Variants in CUL3 observed in about 807,000 individuals in gnomAD.
The protein encoded by CUL3 is cullin-3.
In CUL3, 19 loss-of-function variants were observed where a neutral mutation model predicts 89.1. The observed-to-expected ratio is 0.21, with a 90% CI of 0.15 to 0.31. CUL3 has a LOEUF of 0.31. CUL3 is among the 10% of genes least tolerant of loss of function. The pLI, the probability that CUL3 is intolerant of heterozygous loss-of-function variation, is 1.00. For missense variants in CUL3, 469 were observed against 942.3 expected (o/e 0.50, Z 6.58); for synonymous variants, 351 against 308.4 (o/e 1.14, Z -1.45).
chr2:224,484,348 C>T (rs140175749), intron 13 of CUL3, among the ~76,000 whole-genome samples: 5 of 152,222 alleles, frequency 3.3e-5, no homozygotes, highest in African/African-American at 9.6e-5. Flanking sequence ...ATTTGTACTT[C>T]TCATGACCAC....
At chr2:224,512,589 A>G (rs974156084) in intron 5 of CUL3, among the ~76,000 whole-genome samples, 1 of 152,160 alleles carries the variant, frequency 6.6e-6, no homozygotes, top group African/African-American at 2.4e-5. Context: ...GTTTAGCTTT[A>G]CTTTTAGCAA....
In CUL3 at chr2:224,485,693, T is replaced by TTAAA. The variant is rs1324702582; in HGVS notation, c.1843-3619_1843-3616dup. 6.6e-6 allele frequency among the ~76,000 whole-genome samples: 1 copy of TTAAA among 152,182 alleles called. No individual in the cohort carries two copies. Among genetic ancestry groups the TTAAA allele is most frequent in the Non-Finnish European group, 1.5e-5 (1 of 68,038 alleles). ...AGCTATGGGCCCAGCTTCAGCAGAA[T>TTAAA]TAAATGTTCTTGCCTGCTGGCTCTG... On this transcript the variant is annotated intron_variant, in intron 13 of 15. Coordinates refer to ENST00000264414, the MANE Select transcript of CUL3 (RefSeq NM_003590.5). The surrounding 1 kb of genome is among the most constrained non-coding windows in gnomAD (Gnocchi z 4.1).
At chr2:224,476,879 C>T (rs527787151) in intron 15 of CUL3, among the ~76,000 whole-genome samples, 1 of 152,228 alleles carries the variant, frequency 6.6e-6, no homozygotes, top group South Asian at 2.1e-4. Context: ...TCCTCTAATA[C>T]TACTCTCTCT....
intron 1 of CUL3, among the ~76,000 whole-genome samples, chr2:224,575,094 AATAAT>A (rs1695268891): frequency 6.6e-6 from 1 of 152,258 alleles, no homozygotes; most frequent in African/African-American, 2.4e-5. Flanking sequence ...ATGCAGATTA[AATAAT>A]ATAATTGAAA....
intron 1 of CUL3, among the ~76,000 whole-genome samples, chr2:224,579,768 C>T (rs1161486482): frequency 6.6e-6 from 1 of 152,154 alleles, no homozygotes; most frequent in Non-Finnish European, 1.5e-5. Flanking sequence ...TCTTAAGAGC[C>T]TGATTACATT....
chr2:224,500,626 T>TC, intron 10 of CUL3, 139 bp from the exon 11 acceptor site: 1 of 706,294 alleles, frequency 1.4e-6, no homozygotes, highest in Admixed American at 3.9e-5. Context: ...GATTTTCTTT[T>TC]CTTTTTTTTT....
chr2:224,541,295 T>C (rs937705288), intron 2 of CUL3, among the ~76,000 whole-genome samples: 1 of 151,926 alleles, frequency 6.6e-6, no homozygotes, highest in Non-Finnish European at 1.5e-5. Context: ...GAACAGACAC[T>C]TCACCAAAGA....
intron 1 of CUL3, among the ~76,000 whole-genome samples, chr2:224,584,121 T>G (rs1234753250): frequency 6.6e-6 from 1 of 152,110 alleles, no homozygotes; most frequent in Non-Finnish European, 1.5e-5. Flanking sequence ...AGGGTACGAC[T>G]CAACGTAATG....
At chr2:224,541,918 G>C (rs2106276425) in intron 2 of CUL3, among the ~76,000 whole-genome samples, 1 of 152,198 alleles carries the variant, frequency 6.6e-6, no homozygotes, top group African/African-American at 2.4e-5. Flanking sequence ...ACTATAAAGG[G>C]ATAACAGAGG....
chr2:224,575,622 C>A (rs1485673786), intron 1 of CUL3, among the ~76,000 whole-genome samples: 1 of 152,100 alleles, frequency 6.6e-6, no homozygotes, highest in Admixed American at 6.5e-5. Flanking sequence ...TTATTATGTG[C>A]CAAGCACTAT....
intron 2 of CUL3, among the ~76,000 whole-genome samples, chr2:224,548,354 C>T (rs1234478711): frequency 6.6e-6 from 1 of 152,212 alleles, no homozygotes; most frequent in Non-Finnish European, 1.5e-5. Flanking sequence ...CTTATTCTGG[C>T]TTCCTCCCAT....
intron 1 of CUL3, among the ~76,000 whole-genome samples, chr2:224,565,286 A>T (rs977213579): frequency 1.3e-5 from 2 of 152,208 alleles, no homozygotes; most frequent in Non-Finnish European, 2.9e-5. Flanking sequence ...GTATTCAATA[A>T]GTGGAAGTGG....
intron 1 of CUL3, among the ~76,000 whole-genome samples, chr2:224,582,321 G>A (rs1695461147): frequency 6.6e-6 from 1 of 152,070 alleles, no homozygotes; most frequent in African/African-American, 2.4e-5. Context: ...AGCAACTCAC[G>A]CAGTCTGTAG....
Position 224,474,286 on chromosome 2 carries a change from G to T in CUL3, c.2266C>A (p.Arg756=), listed in dbSNP as rs765501841. 1 of 1,613,848 alleles carries T rather than the reference G, an allele frequency of 6.2e-7. No individual in the cohort carries two copies. Among genetic ancestry groups the T allele is most frequent in the Non-Finnish European group, 8.5e-7 (1 of 1,179,836 alleles). Residue 756 remains arginine, a synonymous_variant, in exon 16 of 16, where the codon CGA becomes AGA. Coordinates refer to ENST00000264414, the MANE Select transcript of CUL3 (RefSeq NM_003590.5). ...TATACTTTGCGATCCTCAGGTGTTC[G>T]TGCCAAATATTCTCTCTCAATAAGT... ...EGLIEREYLA[R]TPEDRKVYTY... is the part of the protein sequence containing the mutation.
At chr2:224,571,822 T>C (rs758731904) in intron 1 of CUL3, among the ~76,000 whole-genome samples, 3 of 152,166 alleles carry the variant, frequency 2.0e-5, no homozygotes, top group Non-Finnish European at 4.4e-5. Flanking sequence ...GAAAAGACAC[T>C]AGTAGTCGGT....
chr2:224,499,105 C>T (rs1007240565), intron 11 of CUL3, among the ~76,000 whole-genome samples: 1 of 152,162 alleles, frequency 6.6e-6, no homozygotes, highest in African/African-American at 2.4e-5. Context: ...AGTTTCTGTA[C>T]AACCCACGTC....
chr2:224,505,626 G>A (rs779593094), intron 8 of CUL3: 21 of 161,654 alleles, frequency 1.3e-4, no homozygotes, highest in Non-Finnish European at 2.7e-4. Context: ...TGTAGAGATG[G>A]AGTCTCACTA....
intron 3 of CUL3, among the ~76,000 whole-genome samples, chr2:224,526,058 TCCAAAGGATCTATGACTC>T (rs1693462077): frequency 6.6e-6 from 1 of 152,214 alleles, no homozygotes; most frequent in Non-Finnish European, 1.5e-5. Context: ...ATGACCATTT[TCCAAAGGATCTATGACTC>T]CCAAAAGATA....
At chr2:224,544,179 G>A (rs879906376) in intron 2 of CUL3, among the ~76,000 whole-genome samples, 4 of 152,056 alleles carry the variant, frequency 2.6e-5, no homozygotes, top group Non-Finnish European at 5.9e-5. Flanking sequence ...ATGTTCCACT[G>A]CAATGCCTTA....
Sources: allele counts gnomAD v4.1 joint callset (sites outside exome capture counted in the v4.1 genomes callset), GRCh38; gene constraint gnomAD v4.1.1; non-coding constraint Gnocchi (gnomAD v3.1); transcripts MANE v1.5; gene names NCBI Gene and HGNC (gene_info 2026-07-23, HGNC 2026-07-21).